MAML1: variants seen among roughly 807,000 people sequenced by gnomAD.
The protein encoded by MAML1 is mastermind-like protein 1.
In MAML1, 14 loss-of-function variants were observed where a neutral mutation model predicts 77.1. The observed-to-expected ratio is 0.18, with a 90% confidence interval of 0.12 to 0.28. The LOEUF is 0.28. MAML1 is among the 10% of genes least tolerant of loss of function. The pLI, the probability that MAML1 is intolerant of heterozygous loss-of-function variation, is 1.00. For synonymous variants in MAML1, 516 were observed against 551.9 expected, an observed-to-expected ratio of 0.93 and a Z score of 0.91; for missense variants, 1,217 against 1,327.8, an observed-to-expected ratio of 0.92 and a Z score of 1.30.
chr5:179,773,881 T>C lies in MAML1; in HGVS notation c.2069-14T>C. On this transcript the variant is annotated splice_polypyrimidine_tract_variant and intron_variant, in intron 4 of 4. Transcript: ENST00000292599. ...GGTCGACTCCTGACTGCCAGACTCT[T>C]CTCTGTCTTGTAGGGTCCTCTGCTG... 1 of 1,602,326 alleles carries C rather than the reference T, an allele frequency of 6.2e-7. No homozygotes were observed. The highest frequency in any genetic ancestry group is 8.5e-7 in the Non-Finnish European group (1 of 1,171,436).
intron 2 of MAML1, 24 bp from the exon 3 acceptor site, chr5:179,768,824 TCA>T: frequency 6.2e-7 from 1 of 1,612,836 alleles, no homozygotes; most frequent in Non-Finnish European, 8.5e-7. Flanking sequence ...CTTAGAGACT[TCA>T]CAGTCCCCTA....
chr5:179,773,797 T>A, intron 4 of MAML1, 98 bp from the exon 5 acceptor site: 1 of 1,513,630 alleles, frequency 6.6e-7, no homozygotes, highest in Non-Finnish European at 8.8e-7. Flanking sequence ...CTCTTCCCAG[T>A]GTGCCGTGAA....
At chr5:179,750,320 ACTCT>A (rs1779461111) in intron 1 of MAML1, among the ~76,000 whole-genome samples, 1 of 151,392 alleles carries the variant, frequency 6.6e-6, no homozygotes, top group East Asian at 1.9e-4. Context: ...AGTCCCACCA[ACTCT>A]CTCTTTGAGT....
chr5:179,742,640 T>TA (rs1299044808), intron 1 of MAML1, among the ~76,000 whole-genome samples: 1 of 151,768 alleles, frequency 6.6e-6, no homozygotes, highest in Admixed American at 6.6e-5. Context: ...CTGTCCCTAC[T>TA]AAAAAAATAA....
intron 1 of MAML1, among the ~76,000 whole-genome samples, chr5:179,736,963 AT>A (rs140331634): frequency 0.21 from 31,816 of 148,438 alleles, 4,067 homozygotes; most frequent in Non-Finnish European, 0.3. Context: ...TCCGTCTCAA[AT>A]TAAAAAAAAA....
In MAML1 at chr5:179,771,694, G is replaced by C. The variant is rs954994321; in HGVS notation, c.2068+451G>C. Reference sequence around the variant, plus strand: ...ATCACAGATGGCAGCATCACTAGTGGACAGTTGGCCAGAAAAGGGCAGGAA... The same window carrying C: ...ATCACAGATGGCAGCATCACTAGTGCACAGTTGGCCAGAAAAGGGCAGGAA... On this transcript the variant is annotated intron_variant, in intron 4 of 4. Coordinates refer to ENST00000292599, the MANE Select transcript of MAML1 (RefSeq NM_014757.5). The surrounding 1 kb of genome is among the most constrained non-coding windows in gnomAD (Gnocchi z 4.7). 1.3e-5 allele frequency among the ~76,000 whole-genome samples: 2 copies of C among 152,174 alleles called. No homozygotes were observed. The highest frequency in any genetic ancestry group is 4.8e-5 in the African/African-American group (2 of 41,442).
At chr5:179,770,348 C>T (rs567116488) in intron 3 of MAML1, among the ~76,000 whole-genome samples, 18 of 151,844 alleles carry the variant, frequency 1.2e-4, no homozygotes, top group East Asian at 3.9e-4. Context: ...CTCGGGAGGC[C>T]GAGGCAGGAG....
intron 1 of MAML1, among the ~76,000 whole-genome samples, chr5:179,750,920 C>T (rs1359960837): frequency 1.3e-5 from 2 of 152,138 alleles, no homozygotes; most frequent in Non-Finnish European, 2.9e-5. Context: ...TGGGCCCAGG[C>T]GGCAGGTCCC....
intron 1 of MAML1, among the ~76,000 whole-genome samples, chr5:179,749,056 C>T (rs1263203991): frequency 6.6e-6 from 1 of 151,948 alleles, no homozygotes; most frequent in African/African-American, 2.4e-5. Context: ...ACCTCCACCT[C>T]CTGGGTTTGA....
intron 1 of MAML1, among the ~76,000 whole-genome samples, chr5:179,764,398 C>T (rs1223092811): frequency 6.6e-5 from 10 of 152,194 alleles, no homozygotes; most frequent in Non-Finnish European, 1.0e-4. Flanking sequence ...CAGTGGCTCA[C>T]ACCTGTAATC....
At chr5:179,744,378 G>A (rs2113341983) in intron 1 of MAML1, among the ~76,000 whole-genome samples, 1 of 151,958 alleles carries the variant, frequency 6.6e-6, no homozygotes, top group Admixed American at 6.6e-5. Flanking sequence ...GTAGAGATGG[G>A]GTTTCACAAT....
chr5:179,757,533 A>ACTC (rs1217690740), intron 1 of MAML1, among the ~76,000 whole-genome samples: 1 of 151,812 alleles, frequency 6.6e-6, no homozygotes, highest in Non-Finnish European at 1.5e-5. Context: ...GTGCCACTGG[A>ACTC]CTCCAGCCTG....
chr5:179,775,985 C>A lies in MAML1; in HGVS notation c.*1108C>A, dbSNP rs2113388967. 1.0e-6 allele frequency: 1 copy of A among 985,778 alleles called. No homozygotes were observed. Among genetic ancestry groups the A allele is most frequent in the South Asian group, 4.7e-5 (1 of 21,294 alleles). The allele number at this position is 985,778 out of a possible 1,614,324, so 61.1% of individuals were successfully genotyped here. ...CTTGGTTTGACAACTTCTGCCACTCCCATGTCAGATGACTTGCACTTCTTA... is the reference window on the plus strand; with the variant it reads ...CTTGGTTTGACAACTTCTGCCACTCACATGTCAGATGACTTGCACTTCTTA... On this transcript the variant is annotated 3_prime_UTR_variant, in exon 5 of 5. Coordinates refer to ENST00000292599, the MANE Select transcript of MAML1 (RefSeq NM_014757.5).
At chr5:179,758,713 A>C (rs543104085) in intron 1 of MAML1, among the ~76,000 whole-genome samples, 1 of 150,722 alleles carries the variant, frequency 6.6e-6, no homozygotes, top group East Asian at 2.0e-4. Flanking sequence ...TTTTAAAAAT[A>C]TTTTACTGGC....
intron 1 of MAML1, among the ~76,000 whole-genome samples, chr5:179,763,482 G>C (rs1295205344): frequency 6.6e-6 from 1 of 150,476 alleles, no homozygotes; most frequent in Admixed American, 6.6e-5. Flanking sequence ...GACCGACTTA[G>C]TTACCCATAT....
At chr5:179,756,732 A>T (rs1196079762) in intron 1 of MAML1, among the ~76,000 whole-genome samples, 2 of 152,204 alleles carry the variant, frequency 1.3e-5, no homozygotes, top group Non-Finnish European at 2.9e-5. Flanking sequence ...AGTCAGCATG[A>T]AGTTATTTCT....
intron 1 of MAML1, among the ~76,000 whole-genome samples, chr5:179,753,654 A>C (rs200596257): frequency 1.1e-5 from 1 of 88,850 alleles, no homozygotes; most frequent in Non-Finnish European, 2.2e-5. Context: ...TATTATTATT[A>C]TTTTTTTTTT....
intron 1 of MAML1, among the ~76,000 whole-genome samples, chr5:179,754,286 A>G (rs1284345736): frequency 6.6e-6 from 1 of 152,114 alleles, no homozygotes. Context: ...TGTCTCAAGA[A>G]GAAGAAATAA....
chr5:179,763,875 A>G lies in MAML1; in HGVS notation c.316-1451A>G, dbSNP rs1164053372. Among the ~76,000 whole-genome samples the G allele has an allele frequency of 2.3e-5, 3 of 128,698 alleles. No individual in the cohort carries two copies. The East Asian group carries it at 7.9e-4, about 34-fold the overall frequency. The allele number at this position is 128,698 out of a possible 152,430, so 84.4% of individuals were successfully genotyped here. On this transcript the variant is annotated intron_variant, in intron 1 of 4. Coordinates refer to ENST00000292599, the MANE Select transcript of MAML1 (RefSeq NM_014757.5). The stretch of plus-strand genomic sequence containing the variant: ...AACATTTTCTAATAACATGCTATAG[A>G]TGCTTAGGGTTTATGGGAAGGGGGG...
Sources: allele counts gnomAD v4.1 joint callset (sites outside exome capture counted in the v4.1 genomes callset), GRCh38; gene constraint gnomAD v4.1.1; non-coding constraint Gnocchi (gnomAD v3.1); transcripts MANE v1.5; gene names NCBI Gene and HGNC (gene_info 2026-07-23, HGNC 2026-07-21).